The following ADGRV1 variants were observed in gnomAD, a reference collection of about 807,000 sequenced individuals.
ADGRV1 encodes adhesion G protein-coupled receptor V1, also known as G-protein coupled receptor 98.
ADGRV1 carries 359 observed loss-of-function variants against 596.2 expected under a neutral mutation model. The ratio of observed to expected loss-of-function variants is 0.60; its 90% CI spans 0.55 to 0.66. The LOEUF (loss-of-function observed/expected upper bound fraction) is 0.66, where lower values mean the gene tolerates loss of function less well. Among genes scored for constraint, ADGRV1 ranks in the 30% least tolerant of loss-of-function variants. The pLI is 0.00. For synonymous variants in ADGRV1, 2,681 were observed against 2,679.2 expected, an observed-to-expected ratio of 1.00 and a Z score of -0.02; for missense variants, 7,274 against 7,575.6, an observed-to-expected ratio of 0.96 and a Z score of 1.48.
At chr5:90,633,675 T>C (rs1765784572) in intron 9 of ADGRV1, among the ~76,000 whole-genome samples, 2 of 152,060 alleles carry the variant, frequency 1.3e-5, no homozygotes, top group South Asian at 4.1e-4. Flanking sequence ...TTATGTGACT[T>C]TAATTATTTA....
intron 1 of ADGRV1, among the ~76,000 whole-genome samples, chr5:90,566,983 C>T (rs1405072181): frequency 6.6e-6 from 1 of 151,858 alleles, no homozygotes; most frequent in African/African-American, 2.4e-5. Context: ...GAGAATTATC[C>T]CTTTATTCCT....
intron 85 of ADGRV1, among the ~76,000 whole-genome samples, chr5:91,028,737 T>TTTG (rs1784228870): frequency 2.0e-5 from 3 of 147,638 alleles, no homozygotes; most frequent in African/African-American, 7.5e-5. Flanking sequence ...ACTCTGTTTT[T>TTTG]TTTTTTTTTT....
intron 71 of ADGRV1, 65 bp from the exon 72 acceptor site, chr5:90,805,219 C>T: frequency 7.1e-7 from 1 of 1,398,684 alleles, no homozygotes; most frequent in Non-Finnish European, 9.9e-7. Context: ...TACGTTTAAC[C>T]CATTCCTCAG....
intron 85 of ADGRV1, among the ~76,000 whole-genome samples, chr5:91,057,415 A>G (rs1386545620): frequency 2.6e-5 from 4 of 152,246 alleles, no homozygotes; most frequent in Non-Finnish European, 5.9e-5. Flanking sequence ...AGTCAAAAAT[A>G]TTTACTGTCT....
chr5:90,763,291 T>G lies in ADGRV1; in HGVS notation c.12121-14T>G. 2 of 1,508,068 alleles carry G rather than the reference T, an allele frequency of 1.3e-6. No individual in the cohort carries two copies. Among genetic ancestry groups the G allele is most frequent in the Non-Finnish European group, 1.8e-6 (2 of 1,118,538 alleles). 93.4% of individuals were successfully genotyped at this position (1,508,068 alleles called of 1,614,324 possible). On this transcript the variant is annotated splice_polypyrimidine_tract_variant and intron_variant, in intron 58 of 89. Coordinates refer to ENST00000405460, the MANE Select transcript of ADGRV1 (RefSeq NM_032119.4). ...TTTTTTTTTGTTTGGCCTTACTGAA[T>G]TTTCTTCTTTCAGGTAATGATTGAT...
chr5:90,834,540 A>G (rs1581264029), intron 77 of ADGRV1, among the ~76,000 whole-genome samples: 1 of 150,380 alleles, frequency 6.6e-6, no homozygotes, highest in Non-Finnish European at 1.5e-5. Context: ...TATTTGTTCC[A>G]CTTTACTTGC....
At chr5:90,752,364 A>T (rs1026264837) in intron 53 of ADGRV1, among the ~76,000 whole-genome samples, 1 of 152,152 alleles carries the variant, frequency 6.6e-6, no homozygotes, top group Non-Finnish European at 1.5e-5. Context: ...AACTGGTGTC[A>T]TGGGGTTTTG....
chr5:90,763,339 C>T lies in ADGRV1; in HGVS notation c.12155C>T (p.Pro4052Leu), dbSNP rs545715587. Reference sequence around the variant, plus strand: ...GATGAATCCCTTTCATCCGATGACCCTGATTCATATGTGACATTGACGGTT... The same window carrying T: ...GATGAATCCCTTTCATCCGATGACCTTGATTCATATGTGACATTGACGGTT... ...MIDESLSSDD[P>L]DSYVTLTVVR... Residue 4052 changes from proline to leucine, a missense_variant, in exon 59 of 90, where the codon CCT (proline) becomes CTT (leucine). Transcript: ENST00000405460. 1.2e-6 allele frequency: 2 copies of T among 1,607,560 alleles called. No homozygotes were observed. Among genetic ancestry groups the T allele is most frequent in the Non-Finnish European group, 1.7e-6 (2 of 1,175,070 alleles).
chr5:90,559,454 A>G (rs1436186250), intron 1 of ADGRV1, among the ~76,000 whole-genome samples: 1 of 152,186 alleles, frequency 6.6e-6, no homozygotes, highest in East Asian at 1.9e-4. Context: ...ATGGAGCTAT[A>G]GAATAATATG....
chr5:90,603,821 G>A (rs73179758), intron 1 of ADGRV1, among the ~76,000 whole-genome samples: 5,882 of 150,022 alleles, frequency 0.039, 334 homozygotes, highest in African/African-American at 0.13. Flanking sequence ...ATTGTCCTAT[G>A]AAATCAAAGT....
At chr5:90,564,073 G>A (rs1228193196) in intron 1 of ADGRV1, among the ~76,000 whole-genome samples, 2 of 152,168 alleles carry the variant, frequency 1.3e-5, no homozygotes, top group Non-Finnish European at 2.9e-5. Context: ...CATTCTTCAA[G>A]TAATGTTTAA....
chr5:90,708,475 A>G (rs1748901030), intron 38 of ADGRV1, among the ~76,000 whole-genome samples: 1 of 151,582 alleles, frequency 6.6e-6, no homozygotes. Context: ...CTCCTTCTAC[A>G]CATTAGATAT....
Position 90,647,692 on chromosome 5 carries a change from T to G in ADGRV1, c.3217T>G (p.Ser1073Ala). Residue 1073 changes from serine (S) to alanine (A), a missense_variant, in exon 17 of 90, where the codon TCC becomes GCC. Ser to Ala is a moderately conservative substitution (Grantham distance 99). Around this residue, in one of 5 missense-constraint regions of ADGRV1, gnomAD observed 1,715 missense variants for 1,708.8 expected, o/e 1.00. Transcript: ENST00000405460. Reference protein sequence around the residue: ...FEVGSRQQSISIFVNEDGIPE... With the variant: ...FEVGSRQQSIAIFVNEDGIPE... ...GGTTGGAAGTAGACAGCAGAGCATA[T>G]CCATATTTGTTAATGAAGATGGTAT... 6.2e-7 allele frequency: 1 copy of G among 1,613,778 alleles called. No homozygotes were observed.
intron 1 of ADGRV1, chr5:90,614,221 G>A: frequency 5.4e-6 from 2 of 372,608 alleles, no homozygotes; most frequent in Non-Finnish European, 1.0e-5. Context: ...CAAATTTAAA[G>A]CAACATGGAC....
In ADGRV1 at chr5:90,851,134, T is replaced by TGTGTGTGTGTGAGAGAGAGAGAGAGA. The variant is rs757909771; in HGVS notation, c.17205-2149_17205-2148insTGTGTGTGTGAGAGAGAGAGAGAGAG. Among the ~76,000 whole-genome samples the TGTGTGTGTGTGAGAGAGAGAGAGAGA allele has an allele frequency of 9.9e-4, 81 of 81,490 alleles. 1 individual carries two copies. Among genetic ancestry groups the TGTGTGTGTGTGAGAGAGAGAGAGAGA allele is most frequent in the Middle Eastern group, 7.5e-3 (1 of 134 alleles). The allele number at this position is 81,490 out of a possible 152,430, so 53.5% of individuals were successfully genotyped here. A position where few individuals can be genotyped will look rare whatever the true frequency, so the allele number is the denominator to read the frequency against. On this transcript the variant is annotated intron_variant, in intron 79 of 89. Transcript: ENST00000405460. The stretch of plus-strand genomic sequence containing the variant: ...GTGTGTGTGTGTGTGTGTGTGTGTG[T>TGTGTGTGTGTGAGAGAGAGAGAGAGA]GAGAGAGAGAGAGAGAGAGAGAGAG...
chr5:90,957,012 G>GAA (rs944868890), intron 83 of ADGRV1, among the ~76,000 whole-genome samples: 2 of 146,384 alleles, frequency 1.4e-5, no homozygotes, highest in Non-Finnish European at 3.0e-5. Flanking sequence ...TGCTAGCCCA[G>GAA]AAAAAAAAAA....
At chr5:90,736,881 G>T (rs1258599418) in intron 50 of ADGRV1, among the ~76,000 whole-genome samples, 2 of 150,428 alleles carry the variant, frequency 1.3e-5, no homozygotes, top group African/African-American at 2.4e-5. Flanking sequence ...GTAGCTAAGG[G>T]TTTGTCAACT....
intron 87 of ADGRV1, among the ~76,000 whole-genome samples, chr5:91,115,757 G>A (rs903922894): frequency 2.0e-5 from 3 of 152,186 alleles, no homozygotes; most frequent in African/African-American, 7.2e-5. Flanking sequence ...GGCCAGTCTG[G>A]CTAACATGGT....
rs1227186593 is a variant in ADGRV1 at position 90,755,186 on chromosome 5, G to C, written c.11580+1G>C. The C allele has an allele frequency of 6.3e-7, 1 of 1,592,236 alleles. No homozygotes were observed. The highest frequency in any genetic ancestry group is 1.1e-5 in the South Asian group (1 of 88,912). On this transcript the variant is annotated splice_donor_variant, in intron 55 of 89. Transcript: ENST00000405460. LOFTEE classifies it high-confidence loss of function. ...TCATGCCGAAGTTTCCATTTTGCCG[G>C]TAAGTCAAGGCTGCAAAGAATGTGA...
Sources: gnomAD v4.1 joint callset for allele counts (sites outside exome capture counted in the v4.1 genomes callset) on GRCh38, gnomAD v4.1.1 for gene constraint, gnomAD v4.1.1 regional missense constraint, MANE v1.5 for transcripts, NCBI Gene and HGNC (gene_info 2026-07-23, HGNC 2026-07-21) for gene names.